Variants in LANCL2 observed in about 807,000 individuals in gnomAD.
LANCL2 encodes the protein LanC like glutathione S-transferase 2, also known as lanC-like protein 2.
In LANCL2, 33 loss-of-function variants were observed where a neutral mutation model predicts 56.9. The ratio of observed to expected loss-of-function variants is 0.58; its 90% CI spans 0.44 to 0.78. The LOEUF is 0.78. LANCL2 is among the 30% of genes least tolerant of loss of function. LANCL2 has a pLI of 0.00. For missense variants in LANCL2, 562 were observed against 580.2 expected (o/e 0.97, Z 0.32); for synonymous variants, 233 against 228.2 (o/e 1.02, Z -0.19).
intron 7 of LANCL2, among the ~76,000 whole-genome samples, chr7:55,426,777 C>T (rs1331681010): frequency 1.3e-5 from 2 of 152,224 alleles, no homozygotes; most frequent in Non-Finnish European, 2.9e-5. Flanking sequence ...CCTGTGTGAA[C>T]TACACTGTGG....
chr7:55,415,815 A>G (rs748667991), intron 6 of LANCL2, among the ~76,000 whole-genome samples: 15 of 151,982 alleles, frequency 9.9e-5, no homozygotes, highest in African/African-American at 1.9e-4. Context: ...GGGTTTCACC[A>G]TGTTGCCCAG....
Position 55,395,528 on chromosome 7 carries a change from C to T in LANCL2, c.323-2895C>T, listed in dbSNP as rs182517847. On this transcript the variant is annotated intron_variant, in intron 2 of 8. Coordinates refer to ENST00000254770, the MANE Select transcript of LANCL2 (RefSeq NM_018697.4). Reference sequence around the variant, plus strand: ...AAAGAGCTGATCCCACAGAGAGCACCGGGGCAGAGTGTCCTTGTGTCTAGG... The same window carrying T: ...AAAGAGCTGATCCCACAGAGAGCACTGGGGCAGAGTGTCCTTGTGTCTAGG... Among the ~76,000 whole-genome samples, 20 of 151,912 alleles carry T rather than the reference C, an allele frequency of 1.3e-4. No homozygotes were observed. The East Asian group carries it at 3.5e-3, about 26-fold the overall frequency.
intron 1 of LANCL2, among the ~76,000 whole-genome samples, chr7:55,386,032 G>T (rs557815489): frequency 6.6e-6 from 1 of 152,198 alleles, no homozygotes; most frequent in African/African-American, 2.4e-5. Context: ...CTCACTGGCG[G>T]TCAGAGTTTA....
chr7:55,388,223 C>T (rs1029040928), intron 1 of LANCL2, among the ~76,000 whole-genome samples: 1 of 152,134 alleles, frequency 6.6e-6, no homozygotes, highest in African/African-American at 2.4e-5. Context: ...GGCTCGACCC[C>T]TGGATTGAAC....
At chr7:55,407,946 C>T (rs947553260) in intron 5 of LANCL2, among the ~76,000 whole-genome samples, 1 of 152,242 alleles carries the variant, frequency 6.6e-6, no homozygotes, top group Non-Finnish European at 1.5e-5. Context: ...GTGCCTTATG[C>T]GTGAGCACAG....
chr7:55,413,574 C>G (rs1437116497), intron 6 of LANCL2, among the ~76,000 whole-genome samples: 1 of 152,208 alleles, frequency 6.6e-6, no homozygotes, highest in East Asian at 1.9e-4. Flanking sequence ...TTCATGAGTT[C>G]TGCAGACAGT....
chr7:55,412,123 G>A, intron 6 of LANCL2, 34 bp downstream of exon 6: 2 of 1,577,120 alleles, frequency 1.3e-6, no homozygotes, highest in Non-Finnish European at 8.6e-7. Flanking sequence ...CGTCCCCTGT[G>A]TGGGGAGCCA....
intron 6 of LANCL2, 41 bp downstream of exon 6, chr7:55,412,130 G>A (rs1790478507): frequency 6.4e-7 from 1 of 1,566,164 alleles, no homozygotes; most frequent in South Asian, 1.2e-5. Flanking sequence ...TGTGTGGGGA[G>A]CCAGGTTTCC....
intron 1 of LANCL2, among the ~76,000 whole-genome samples, chr7:55,389,806 C>T (rs1246992853): frequency 6.6e-6 from 1 of 152,136 alleles, no homozygotes; most frequent in Non-Finnish European, 1.5e-5. Flanking sequence ...AGTTGTCTCC[C>T]CTTCCCTTTC....
intron 3 of LANCL2, 67 bp from the exon 4 acceptor site, chr7:55,399,890 G>A: frequency 7.8e-7 from 1 of 1,283,552 alleles, no homozygotes; most frequent in South Asian, 1.5e-5. Flanking sequence ...AAGCAACAGG[G>A]TTAGTGTTTC....
chr7:55,411,077 A>G (rs1334468907), intron 5 of LANCL2, among the ~76,000 whole-genome samples: 1 of 152,146 alleles, frequency 6.6e-6, no homozygotes, highest in Non-Finnish European at 1.5e-5. Context: ...ATTGTGTGGC[A>G]TTAACATGTC....
At chr7:55,412,336 C>T (rs1790480830) in intron 6 of LANCL2, among the ~76,000 whole-genome samples, 1 of 152,150 alleles carries the variant, frequency 6.6e-6, no homozygotes, top group South Asian at 2.1e-4. Context: ...TAAAAGAAAA[C>T]CTAGATGACA....
intron 1 of LANCL2, among the ~76,000 whole-genome samples, chr7:55,390,461 T>C (rs1304745677): frequency 3.3e-5 from 5 of 151,840 alleles, no homozygotes; most frequent in Admixed American, 1.3e-4. Flanking sequence ...CAAAAATTAG[T>C]CGGGTGTGGT....
chr7:55,424,836 T>C (rs1790645682), intron 6 of LANCL2, among the ~76,000 whole-genome samples: 1 of 152,196 alleles, frequency 6.6e-6, no homozygotes, highest in African/African-American at 2.4e-5. Context: ...CTGCCACCTG[T>C]CAGATCAGCG....
intron 1 of LANCL2, among the ~76,000 whole-genome samples, chr7:55,382,493 T>C (rs1790080450): frequency 1.3e-5 from 2 of 152,200 alleles, no homozygotes; most frequent in Non-Finnish European, 2.9e-5. Context: ...CCAGCTGAAC[T>C]GGAGACCGGA....
intron 6 of LANCL2, among the ~76,000 whole-genome samples, chr7:55,417,219 T>C (rs1229818259): frequency 6.6e-6 from 1 of 152,100 alleles, no homozygotes; most frequent in Non-Finnish European, 1.5e-5. Flanking sequence ...AACCTCATGA[T>C]CTGCCCGCCT....
chr7:55,395,617 C>CA (rs1418606891), intron 2 of LANCL2, among the ~76,000 whole-genome samples: 1 of 151,910 alleles, frequency 6.6e-6, no homozygotes, highest in African/African-American at 2.4e-5. Flanking sequence ...GGAAAAAAAT[C>CA]AAAGAGAAAG....
chr7:55,378,684 G>C (rs1017520985), intron 1 of LANCL2, among the ~76,000 whole-genome samples: 7 of 152,058 alleles, frequency 4.6e-5, no homozygotes, highest in African/African-American at 1.7e-4. Context: ...TTTGGTTCCA[G>C]TATAAACAAA....
chr7:55,390,708 G>A (rs988751212), intron 1 of LANCL2, among the ~76,000 whole-genome samples: 9 of 151,908 alleles, frequency 5.9e-5, no homozygotes, highest in African/African-American at 1.9e-4. Flanking sequence ...TTGAACCCAG[G>A]AGGTGGAGGT....
Sources: allele counts gnomAD v4.1 joint callset (sites outside exome capture counted in the v4.1 genomes callset), GRCh38; gene constraint gnomAD v4.1.1; transcripts MANE v1.5; gene names NCBI Gene and HGNC (gene_info 2026-07-23, HGNC 2026-07-21).